ABCA10: variants seen among roughly 807,000 people sequenced by gnomAD.
The protein encoded by ABCA10 is ATP-binding cassette sub-family A member 10.
ABCA10 carries 169 observed loss-of-function variants against 187.5 expected under a neutral mutation model. The observed-to-expected ratio is 0.90, with a 90% CI of 0.80 to 1.02. The LOEUF (loss-of-function observed/expected upper bound fraction) is 1.02, where lower values mean the gene tolerates loss of function less well. ABCA10 is among the 50% of genes least tolerant of loss of function. The pLI, the probability that ABCA10 is intolerant of heterozygous loss-of-function variation, is 0.00. For synonymous variants in ABCA10, 574 were observed against 601.8 expected (o/e 0.95, Z 0.68); for missense variants, 1,727 against 1,812.4 (o/e 0.95, Z 0.86).
chr17:69,177,583 A>G (rs144789157), intron 22 of ABCA10, among the ~76,000 whole-genome samples: 25 of 152,254 alleles, frequency 1.6e-4, no homozygotes, highest in African/African-American at 5.8e-4. Context: ...TGAATGTCCA[A>G]TTACGTTCCT....
intron 9 of ABCA10, among the ~76,000 whole-genome samples, chr17:69,211,329 A>ATAT (rs1456563416): frequency 3.1e-5 from 4 of 127,112 alleles, no homozygotes; most frequent in Admixed American, 3.1e-4. Context: ...ATATATATAT[A>ATAT]TATATATATA....
At chr17:69,216,049 T>C (rs1205771497) in intron 7 of ABCA10, 49 bp from the exon 8 acceptor site, 3 of 1,574,900 alleles carry the variant, frequency 1.9e-6, no homozygotes, top group Non-Finnish European at 2.6e-6. Context: ...TGAAGATTCA[T>C]AAATAGCAAT....
chr17:69,185,993 C>T (rs979113430), intron 19 of ABCA10, among the ~76,000 whole-genome samples: 2 of 152,070 alleles, frequency 1.3e-5, no homozygotes, highest in African/African-American at 4.8e-5. Flanking sequence ...GAGAAAGAAG[C>T]CCTATTTTAC....
chr17:69,196,923 A>T (rs1460969715), intron 11 of ABCA10, 141 bp downstream of exon 11: 3 of 605,708 alleles, frequency 5.0e-6, no homozygotes, highest in African/African-American at 3.7e-5. Context: ...ACTCGGCAGG[A>T]GAATCAGGCA....
At chr17:69,186,419 A>G (rs1170551176) in intron 19 of ABCA10, among the ~76,000 whole-genome samples, 1 of 152,188 alleles carries the variant, frequency 6.6e-6, no homozygotes, top group East Asian at 1.9e-4. Context: ...TGCTCCTAAC[A>G]AAAAGATCAG....
At chr17:69,190,600 A>G in intron 17 of ABCA10, 123 bp from the exon 18 acceptor site, 4 of 891,586 alleles carry the variant, frequency 4.5e-6, no homozygotes, top group Non-Finnish European at 6.3e-6. Context: ...AGCAATCACA[A>G]TAATCCAAGG....
rs755147698 is a variant in ABCA10, at chr17:69,216,274, T to C, written c.615A>G (p.Val205=). The change falls in exon 7 of 39, where the codon GTA becomes GTG. Residue 205 remains valine, a synonymous_variant. Coordinates refer to ENST00000690296, the MANE Select transcript of ABCA10 (RefSeq NM_001377321.1). ...MALVITSIPI[V]FHTGFMVIFT... is the part of the protein sequence containing the mutation. Reference sequence around the variant, plus strand: ...ATATCACCATGAAGCCAGTATGAAATACAATTGGGATTGATGTTATGACCA... The same window carrying C: ...ATATCACCATGAAGCCAGTATGAAACACAATTGGGATTGATGTTATGACCA... 14 of 1,613,574 alleles carry C rather than the reference T, an allele frequency of 8.7e-6. 1 individual carries two copies. The South Asian group carries it at 1.2e-4, about 14-fold the overall frequency.
chr17:69,221,914 A>C lies in ABCA10; in HGVS notation c.200-19T>G, dbSNP rs1206743033. The C allele has an allele frequency of 4.5e-6, 7 of 1,560,448 alleles. No homozygotes were observed. The highest frequency in any genetic ancestry group is 1.4e-5 in the African/African-American group (1 of 72,886). On this transcript the variant is annotated intron_variant, in intron 4 of 38. Transcript: ENST00000690296. ...CAGTGTTCTTTAAGGAAGAAGAAAA[A>C]CATGTCCATAGTTATATAATGGAGT...
intron 25 of ABCA10, among the ~76,000 whole-genome samples, chr17:69,173,703 T>TAGG (rs2074313210): frequency 1.3e-5 from 2 of 152,176 alleles, no homozygotes; most frequent in Non-Finnish European, 2.9e-5. Flanking sequence ...ACTGTTTTAA[T>TAGG]GTTTGAAATG....
At chr17:69,171,910 T>C (rs1438133124) in intron 25 of ABCA10, among the ~76,000 whole-genome samples, 2 of 106,424 alleles carry the variant, frequency 1.9e-5, no homozygotes, top group African/African-American at 7.2e-5. Context: ...TAAAGGAATA[T>C]ATAAATGATG....
Position 69,152,362 on chromosome 17 carries a change from C to T in ABCA10, c.4256G>A (p.Arg1419Lys), listed in dbSNP as rs758053009. ...RMAMMVSGTL[R>K]CIGSIQHLKN... ...CATGCTGGTCAGGACAGGCACCCACCTTAGCGTTCCTGACACCATCATGGC... is the reference window on the plus strand; with the variant it reads ...CATGCTGGTCAGGACAGGCACCCACTTTAGCGTTCCTGACACCATCATGGC... The change falls in exon 35 of 39, where the codon AGG becomes AAG. Residue 1419 changes from arginine (R) to lysine (K), a missense_variant and splice_region_variant. Arg to Lys is a conservative substitution (Grantham distance 26, BLOSUM62 2). Transcript: ENST00000690296. The T allele has an allele frequency of 3.1e-6, 5 of 1,613,234 alleles. No individual in the cohort carries two copies. In the Admixed American group the frequency reaches 8.4e-5, roughly 27 times the overall value.
chr17:69,157,874 G>T (rs915045830), intron 27 of ABCA10, among the ~76,000 whole-genome samples: 1 of 151,956 alleles, frequency 6.6e-6, no homozygotes, highest in Non-Finnish European at 1.5e-5. Flanking sequence ...AAATATTTTA[G>T]AAAATAATAT....
At chr17:69,156,253 C>A (rs1568049237) in intron 28 of ABCA10, among the ~76,000 whole-genome samples, 1 of 152,138 alleles carries the variant, frequency 6.6e-6, no homozygotes, top group Non-Finnish European at 1.5e-5. Context: ...CATAAAAGAT[C>A]ATCCTAACTG....
At chr17:69,243,462 GA>G (rs2074918811) in intron 1 of ABCA10, among the ~76,000 whole-genome samples, 1 of 152,162 alleles carries the variant, frequency 6.6e-6, no homozygotes, top group African/African-American at 2.4e-5. Flanking sequence ...AAAGGTACAA[GA>G]AAAATACAGT....
upstream of ABCA10, among the ~76,000 whole-genome samples, chr17:69,232,061 C>T (rs183026841): frequency 1.1e-4 from 16 of 152,100 alleles, no homozygotes; most frequent in African/African-American, 3.6e-4. Flanking sequence ...GCTACTCCTA[C>T]TCTTTTTTTT....
intron 31 of ABCA10, 105 bp from the exon 32 acceptor site, chr17:69,154,114 C>A (rs558944942): frequency 6.8e-7 from 1 of 1,470,640 alleles, no homozygotes; most frequent in Non-Finnish European, 9.1e-7. Context: ...TTTTTGAATA[C>A]GCAAGAGAAA....
At chr17:69,182,410 C>T (rs2074386815) in intron 21 of ABCA10, 120 bp from the exon 22 acceptor site, 1 of 1,011,126 alleles carries the variant, frequency 9.9e-7, no homozygotes. Flanking sequence ...TTTTCTTTGA[C>T]ACTTCTGCCT....
chr17:69,232,692 T>C (rs2074839903), upstream of ABCA10, among the ~76,000 whole-genome samples: 2 of 152,178 alleles, frequency 1.3e-5, no homozygotes, highest in Admixed American at 1.3e-4. Flanking sequence ...CATGTTAGCA[T>C]TCTTCTCTTT....
chr17:69,216,369 A>G lies in ABCA10; in HGVS notation c.531-11T>C. The G allele has an allele frequency of 6.2e-7, 1 of 1,604,512 alleles. No individual in the cohort carries two copies. Among genetic ancestry groups the G allele is most frequent in the Non-Finnish European group, 8.5e-7 (1 of 1,176,184 alleles). On this transcript the variant is annotated splice_polypyrimidine_tract_variant and intron_variant, in intron 6 of 38. Coordinates refer to ENST00000690296, the MANE Select transcript of ABCA10 (RefSeq NM_001377321.1). ...AATCCCCAGGAGAGCCTATAGTAGA[A>G]ACAAGGTGTTAGTTCAACTGTCACA...
Sources: gnomAD v4.1 joint callset for allele counts (sites outside exome capture counted in the v4.1 genomes callset) on GRCh38, gnomAD v4.1.1 for gene constraint, MANE v1.5 for transcripts, NCBI Gene and HGNC (gene_info 2026-07-23, HGNC 2026-07-21) for gene names.